The following NFIA variants were observed in gnomAD, a reference collection of about 807,000 sequenced individuals.
The protein encoded by NFIA is nuclear factor I A.
Under a neutral mutation model 62.8 loss-of-function variants are expected in NFIA, and 8 were observed. The observed-to-expected ratio is 0.13, with a 90% CI of 0.07 to 0.23. The LOEUF (loss-of-function observed/expected upper bound fraction) is 0.23, where lower values mean the gene tolerates loss of function less well. Ranked by LOEUF, NFIA falls within the 10% of genes least tolerant of loss-of-function variation. The pLI, the probability that NFIA is intolerant of heterozygous loss-of-function variation, is 1.00. For missense variants in NFIA, 410 were observed against 642.1 expected (o/e 0.64, Z 3.91); for synonymous variants, 235 against 238.1 (o/e 0.99, Z 0.12).
intron 2 of NFIA, among the ~76,000 whole-genome samples, chr1:61,244,264 A>G (rs2100648904): frequency 6.6e-6 from 1 of 152,316 alleles, no homozygotes; most frequent in East Asian, 1.9e-4. Context: ...GCTTGGCAAA[A>G]GGCTGGGGTC....
In NFIA at chr1:61,236,064, G is replaced by A. The variant is rs373811711; in HGVS notation, c.560-41456G>A. 4.3e-4 allele frequency among the ~76,000 whole-genome samples: 65 copies of A among 151,826 alleles called. 1 individual carries two copies. In the South Asian group the frequency reaches 0.013, roughly 31 times the overall value. ...TTTGGGGCTGATCTTATGTTCTACT[G>A]CTGATTCAGAACACGTTAAAAACAG... On this transcript the variant is annotated intron_variant, in intron 2 of 10. Coordinates refer to ENST00000403491, the MANE Select transcript of NFIA (RefSeq NM_001134673.4).
intron 2 of NFIA, among the ~76,000 whole-genome samples, chr1:61,126,878 A>G (rs1450378614): frequency 1.5e-5 from 2 of 136,180 alleles, no homozygotes; most frequent in Non-Finnish European, 3.0e-5. Context: ...TCCACCTCCC[A>G]GGTTCAAGTG....
At chr1:61,223,368 G>A (rs1455961016) in intron 2 of NFIA, among the ~76,000 whole-genome samples, 2 of 151,952 alleles carry the variant, frequency 1.3e-5, no homozygotes, top group Non-Finnish European at 2.9e-5. Flanking sequence ...TTTAAAAAAA[G>A]TAGCTTTAAT....
intron 9 of NFIA, among the ~76,000 whole-genome samples, chr1:61,414,789 A>C (rs1201309058): frequency 6.6e-6 from 1 of 152,026 alleles, no homozygotes; most frequent in Non-Finnish European, 1.5e-5. Flanking sequence ...GTTTTTTTTC[A>C]TTAGTGACGC....
chr1:61,247,881 A>T (rs1655752310), intron 2 of NFIA, among the ~76,000 whole-genome samples: 1 of 152,202 alleles, frequency 6.6e-6, no homozygotes, highest in Non-Finnish European at 1.5e-5. Context: ...TGAGAGAATA[A>T]GTATTCTCAT....
intron 2 of NFIA, among the ~76,000 whole-genome samples, chr1:61,108,237 T>C (rs1313545069): frequency 6.6e-6 from 1 of 151,688 alleles, no homozygotes; most frequent in Non-Finnish European, 1.5e-5. Flanking sequence ...TTGACATCTT[T>C]TTTTAACTAT....
intron 3 of NFIA, among the ~76,000 whole-genome samples, chr1:61,331,885 T>C (rs1023274942): frequency 1.3e-5 from 2 of 152,164 alleles, no homozygotes; most frequent in Admixed American, 1.3e-4. Context: ...AACCATTGAT[T>C]TATTATCTTT....
chr1:61,215,164 TA>T (rs1303133493), intron 2 of NFIA, among the ~76,000 whole-genome samples: 1 of 152,200 alleles, frequency 6.6e-6, no homozygotes, highest in Non-Finnish European at 1.5e-5. Flanking sequence ...ATGAAGATAT[TA>T]AAAAATACCT....
intron 2 of NFIA, among the ~76,000 whole-genome samples, chr1:61,119,022 C>T (rs1347511572): frequency 1.3e-5 from 2 of 151,928 alleles, no homozygotes; most frequent in East Asian, 3.9e-4. Context: ...GTCTTTTCCT[C>T]CTATAATACA....
intron 3 of NFIA, among the ~76,000 whole-genome samples, chr1:61,301,472 T>C (rs368478139): frequency 4.6e-5 from 7 of 152,190 alleles, no homozygotes; most frequent in Non-Finnish European, 1.0e-4. Flanking sequence ...ACAGTTCCCA[T>C]TGGTGTTTTT....
chr1:61,079,711 C>G (rs1646072893), upstream of NFIA, among the ~76,000 whole-genome samples: 1 of 152,194 alleles, frequency 6.6e-6, no homozygotes, highest in Non-Finnish European at 1.5e-5. Context: ...CTCTACTATC[C>G]TTTCTTTCTT....
At chr1:61,402,763 C>A (rs1345147226) in intron 7 of NFIA, among the ~76,000 whole-genome samples, 1 of 152,166 alleles carries the variant, frequency 6.6e-6, no homozygotes, top group Admixed American at 6.5e-5. Context: ...CACCAGACCA[C>A]CTGCAAGACA....
At chr1:61,155,642 C>T (rs951373269) in intron 2 of NFIA, among the ~76,000 whole-genome samples, 2 of 138,812 alleles carry the variant, frequency 1.4e-5, no homozygotes, top group African/African-American at 2.6e-5. Flanking sequence ...CACTGCAGTC[C>T]GCAGTCCGGC....
intron 2 of NFIA, among the ~76,000 whole-genome samples, chr1:61,232,613 A>G (rs1322071027): frequency 6.6e-6 from 1 of 152,176 alleles, no homozygotes; most frequent in Non-Finnish European, 1.5e-5. Context: ...TATATTTCAA[A>G]CTTGCTGGCC....
intron 3 of NFIA, among the ~76,000 whole-genome samples, chr1:61,323,037 A>G (rs1393139334): frequency 6.6e-6 from 1 of 152,230 alleles, no homozygotes; most frequent in Non-Finnish European, 1.5e-5. Context: ...GAGTAACAGT[A>G]AATGAGCAGC....
rs373669664 is a variant in NFIA, at chr1:61,458,687, C to CTTTTTTT, written c.*3378_*3384dup. The CTTTTTTT allele has an allele frequency of 5.5e-5, 7 of 127,376 alleles. No individual in the cohort carries two copies. Among genetic ancestry groups the CTTTTTTT allele is most frequent in the Non-Finnish European group, 6.9e-5 (4 of 58,238 alleles). The allele number at this position is 127,376 out of a possible 1,614,324, so 7.9% of individuals were successfully genotyped here. ...TTTAAGTTTAAAACTTTCCTGTTTC[C>CTTTTTTT]TTTTTTTTTTTTTTTTTGTAAGTAT... On this transcript the variant is annotated 3_prime_UTR_variant, in exon 11 of 11. Transcript: ENST00000403491.
chr1:61,182,767 C>T (rs544651532), intron 2 of NFIA, among the ~76,000 whole-genome samples: 5 of 152,186 alleles, frequency 3.3e-5, no homozygotes, highest in African/African-American at 9.6e-5. Flanking sequence ...CTTTTTGGTT[C>T]AGCCAAAAAG....
chr1:61,261,047 G>C (rs1239675182), intron 2 of NFIA, among the ~76,000 whole-genome samples: 3 of 152,062 alleles, frequency 2.0e-5, no homozygotes, highest in Non-Finnish European at 2.9e-5. Flanking sequence ...ACAATTCTTA[G>C]GAAAAAATGA....
intron 2 of NFIA, among the ~76,000 whole-genome samples, chr1:61,089,780 T>C (rs1646287594): frequency 6.7e-6 from 1 of 150,314 alleles, no homozygotes; most frequent in African/African-American, 2.5e-5. Context: ...ATTCTAAAAA[T>C]GTTAGTGAGT....
Sources: gnomAD v4.1 joint callset for allele counts (sites outside exome capture counted in the v4.1 genomes callset) on GRCh38, gnomAD v4.1.1 for gene constraint, MANE v1.5 for transcripts, NCBI Gene and HGNC (gene_info 2026-07-23, HGNC 2026-07-21) for gene names.